Variants in ADPRM observed in about 807,000 individuals in gnomAD.
ADPRM encodes the protein ADP-ribose/CDP-alcohol diphosphatase, manganese dependent, also known as manganese-dependent ADP-ribose/CDP-alcohol diphosphatase.
In ADPRM, 17 loss-of-function variants were observed where a neutral mutation model predicts 27.2. That is an observed-to-expected ratio of 0.63 (90% CI 0.43 to 0.94). ADPRM has a LOEUF of 0.94. Among genes scored for constraint, ADPRM ranks in the 40% least tolerant of loss-of-function variants. The probability of loss-of-function intolerance (pLI) is 0.00; values close to 1 mark genes in which losing one functional copy is unlikely to be tolerated. For missense variants in ADPRM, 337 were observed against 412.8 expected, an observed-to-expected ratio of 0.82 and a Z score of 1.59; for synonymous variants, 135 against 145.3, an observed-to-expected ratio of 0.93 and a Z score of 0.51.
intron 1 of ADPRM, among the ~76,000 whole-genome samples, chr17:10,699,791 C>A: frequency 6.6e-6 from 1 of 152,124 alleles, no homozygotes. Context: ...CTCGGCCTCC[C>A]AAAGTGCTAG....
At chr17:10,703,592 G>A (rs568340588) in intron 1 of ADPRM, among the ~76,000 whole-genome samples, 1 of 152,154 alleles carries the variant, frequency 6.6e-6, no homozygotes, top group Non-Finnish European at 1.5e-5. Flanking sequence ...TCCAATTGTG[G>A]AGTTGTTCTT....
intron 3 of ADPRM, among the ~76,000 whole-genome samples, chr17:10,710,615 G>A (rs772070666): frequency 1.4e-4 from 22 of 152,138 alleles, no homozygotes; most frequent in Admixed American, 6.5e-4. Context: ...GCAGCCTGTC[G>A]CGCCTCATGT....
chr17:10,699,610 C>T (rs1302158947), intron 1 of ADPRM, among the ~76,000 whole-genome samples: 1 of 150,936 alleles, frequency 6.6e-6, no homozygotes, highest in Non-Finnish European at 1.5e-5. Context: ...CTGCAACCTC[C>T]GCCTCCTGGG....
rs142130192 is a variant in ADPRM, at chr17:10,711,102, T to C, written c.987T>C (p.Asp329=). The C allele has an allele frequency of 3.2e-4, 511 of 1,613,090 alleles. 2 individuals carry two copies. Among genetic ancestry groups the C allele is most frequent in the Admixed American group, 3.7e-4 (22 of 59,976 alleles). The change falls in exon 4 of 4, where the codon GAT becomes GAC. Residue 329 remains aspartate (D), a synonymous_variant. Coordinates refer to ENST00000379774, the MANE Select transcript of ADPRM (RefSeq NM_020233.5). ...TGAAAGGGAGAGGCAGAGTTCCAGA[T>C]AGAATTATGAATTACAAGAAAGAAA... ...MMLKGRGRVP[D]RIMNYKKERA... is the part of the protein sequence containing the mutation.
In ADPRM at chr17:10,705,504, A is replaced by G. The variant is rs2074807259; in HGVS notation, c.578A>G (p.Asn193Ser). The change falls in exon 2 of 4, where the codon AAT (asparagine) becomes AGT (serine). Residue 193 changes from asparagine (N) to serine (S), a missense_variant. Physicochemically the swap from Asn to Ser is conservative, Grantham distance 46. Transcript: ENST00000379774. This position sits in a 1 kb window ranked among gnomAD's most constrained non-coding sequence, Gnocchi z 5.4. ...CMKILREHNP[N>S]TELNSPQGLS... is the part of the protein sequence containing the mutation. ...AAGATATTGAGGGAGCACAATCCAAATACGGAACTGAATAGTCCTCAAGGT... is the reference window on the plus strand; with the variant it reads ...AAGATATTGAGGGAGCACAATCCAAGTACGGAACTGAATAGTCCTCAAGGT... The G allele has an allele frequency of 1.2e-6, 2 of 1,613,732 alleles. No homozygotes were observed. The highest frequency in any genetic ancestry group is 1.7e-6 in the Non-Finnish European group (2 of 1,179,920).
rs112720169 is a variant in ADPRM, at chr17:10,697,803, C to T, written c.-18+136C>T. On this transcript the variant is annotated intron_variant, in intron 1 of 3. Transcript: ENST00000379774. ...CGGCTGGGCCGAGGCAAGGCGGCCC[C>T]AAGCGCTGGGGGCCCCCGCTTTGGT... is the stretch of plus-strand genomic sequence containing the variant. 5.5e-3 allele frequency: 1,803 copies of T among 327,180 alleles called. 42 individuals carry two copies. The African/African-American group carries it at 0.099, about 18-fold the overall frequency. 20.3% of individuals were successfully genotyped at this position (327,180 alleles called of 1,614,324 possible).
chr17:10,697,691 GGC>G lies in ADPRM; in HGVS notation c.-18+26_-18+27del, dbSNP rs2074743136. 6 of 765,642 alleles carry G rather than the reference GGC, an allele frequency of 7.8e-6. No homozygotes were observed. The East Asian group carries it at 1.6e-4, about 21-fold the overall frequency. 47.4% of individuals were successfully genotyped at this position (765,642 alleles called of 1,614,324 possible). ...CGGTAGGTAGTTCCCTGCGGCTGGA[GGC>G]GGGTCTGGCGCGGGCTGGGCGGTGC... On this transcript the variant is annotated intron_variant, in intron 1 of 3. Transcript: ENST00000379774.
Position 10,710,940 on chromosome 17 carries a change from T to C in ADPRM, c.825T>C (p.Phe275=). The part of the protein sequence containing the change: ...IWSHECVVCF[F]AGHTHDGGYS... ...CTCATGAGTGTGTGGTGTGTTTCTT[T>C]GCTGGTCACACCCATGATGGTGGCT... Residue 275 remains phenylalanine, a synonymous_variant, in exon 4 of 4, where the codon TTT becomes TTC. Transcript: ENST00000379774. The C allele has an allele frequency of 3.1e-6, 5 of 1,614,182 alleles. No individual in the cohort carries two copies. The highest frequency in any genetic ancestry group is 4.2e-6 in the Non-Finnish European group (5 of 1,180,020).
Position 10,702,171 on chromosome 17 carries a change from G to C in ADPRM, c.-17-2739G>C, listed in dbSNP as rs573343039. On this transcript the variant is annotated intron_variant, in intron 1 of 3. Transcript: ENST00000379774. This position sits in a 1 kb window ranked among gnomAD's most constrained non-coding sequence, Gnocchi z 4.2. ...AACACTTCTGGTCCCAAGCATTTTG[G>C]ATAAGGAGATACTAACCTTATTTTT... 6.6e-6 allele frequency among the ~76,000 whole-genome samples: 1 copy of C among 152,302 alleles called. No homozygotes were observed. Among genetic ancestry groups the C allele is most frequent in the South Asian group, 2.1e-4 (1 of 4,830 alleles).
chr17:10,701,497 A>AT (rs2074778162), intron 1 of ADPRM, among the ~76,000 whole-genome samples: 3 of 152,006 alleles, frequency 2.0e-5, no homozygotes, highest in Admixed American at 1.3e-4. Flanking sequence ...CACCCGGCTA[A>AT]TTTTTGTATT....
intron 3 of ADPRM, among the ~76,000 whole-genome samples, chr17:10,709,724 T>TA (rs10690433): frequency 0.015 from 2,246 of 149,532 alleles, 89 homozygotes; most frequent in East Asian, 0.15. Context: ...GTATGCACTT[T>TA]AAAAAAAAAA....
At chr17:10,699,899 A>G (rs1247821961) in intron 1 of ADPRM, among the ~76,000 whole-genome samples, 3 of 152,182 alleles carry the variant, frequency 2.0e-5, no homozygotes, top group Non-Finnish European at 4.4e-5. Flanking sequence ...GGTTCTATCA[A>G]TAGTGATCAG....
chr17:10,711,110 T>G lies in ADPRM; in HGVS notation c.995T>G (p.Met332Arg). ...AGAGGCAGAGTTCCAGATAGAATTA[T>G]GAATTACAAGAAAGAAAGAGCCTTC... ...KGRGRVPDRI[M>R]NYKKERAFHC The change falls in exon 4 of 4, where the codon ATG (methionine) becomes AGG (arginine). Residue 332 changes from methionine (M) to arginine (R), a missense_variant. Transcript: ENST00000379774. 1 of 1,611,374 alleles carries G rather than the reference T, an allele frequency of 6.2e-7. No individual in the cohort carries two copies. The highest frequency in any genetic ancestry group is 8.5e-7 in the Non-Finnish European group (1 of 1,177,776).
Position 10,705,383 on chromosome 17 carries a change from G to T in ADPRM, c.457G>T (p.Val153Leu). 6.2e-7 allele frequency: 1 copy of T among 1,613,962 alleles called. No individual in the cohort carries two copies. The highest frequency in any genetic ancestry group is 8.5e-7 in the Non-Finnish European group (1 of 1,179,998). The part of the protein sequence containing the change: ...PSEDYYAYHF[V>L]PFPKFRFILL... ...AGAAGATTATTATGCTTATCATTTTGTACCATTCCCTAAATTCCGGTTCAT... is the reference window on the plus strand; with the variant it reads ...AGAAGATTATTATGCTTATCATTTTTTACCATTCCCTAAATTCCGGTTCAT... Residue 153 changes from valine to leucine, a missense_variant, in exon 2 of 4, where the codon GTA becomes TTA. By Grantham distance (32) the Val-to-Leu change is conservative. Coordinates refer to ENST00000379774, the MANE Select transcript of ADPRM (RefSeq NM_020233.5). The surrounding 1 kb of genome is among the most constrained non-coding windows in gnomAD (Gnocchi z 5.4).
intron 1 of ADPRM, among the ~76,000 whole-genome samples, chr17:10,701,904 A>G (rs750727301): frequency 2.6e-5 from 4 of 152,168 alleles, no homozygotes; most frequent in Non-Finnish European, 4.4e-5. Flanking sequence ...AGGAAAGGCT[A>G]AACTCGCCAG....
At chr17:10,708,302 G>A (rs544726878) in intron 3 of ADPRM, among the ~76,000 whole-genome samples, 11 of 151,464 alleles carry the variant, frequency 7.3e-5, no homozygotes, top group Non-Finnish European at 1.3e-4. Context: ...GGTGGCAGGC[G>A]CCTGTAATCC....
chr17:10,701,158 C>T lies in ADPRM; in HGVS notation c.-18+3491C>T, dbSNP rs931181255. On this transcript the variant is annotated intron_variant, in intron 1 of 3. Coordinates refer to ENST00000379774, the MANE Select transcript of ADPRM (RefSeq NM_020233.5). ...AGCACTTCATAATACCTCTTTAAAA[C>T]TTAGACAGCGTAGCATGTAATAAAT... Among the ~76,000 whole-genome samples the T allele has an allele frequency of 5.3e-5, 8 of 152,234 alleles. 1 individual carries two copies. Among genetic ancestry groups the T allele is most frequent in the Admixed American group, 2.0e-4 (3 of 15,296 alleles).
intron 1 of ADPRM, among the ~76,000 whole-genome samples, chr17:10,698,716 G>T (rs1051264041): frequency 5.9e-5 from 9 of 152,150 alleles, no homozygotes; most frequent in Non-Finnish European, 1.2e-4. Flanking sequence ...TTCTTGATTC[G>T]CGGTTGGACT....
At position 10,697,613 on chromosome 17, in the gene ADPRM, G is replaced by A; in HGVS notation, c.-72G>A. The stretch of plus-strand genomic sequence containing the variant: ...CGCTCTGTCCGTCCCGCTCGTTGGT[G>A]GCGCTGTTACATAGCCCGTAGTCAG... On this transcript the variant is annotated 5_prime_UTR_variant, in exon 1 of 4. Coordinates refer to ENST00000379774, the MANE Select transcript of ADPRM (RefSeq NM_020233.5). 7.1e-7 allele frequency: 1 copy of A among 1,412,346 alleles called. No homozygotes were observed. Among genetic ancestry groups the A allele is most frequent in the African/African-American group, 1.4e-5 (1 of 70,976 alleles). 87.5% of individuals were successfully genotyped at this position (1,412,346 alleles called of 1,614,324 possible). A position where few individuals can be genotyped will look rare whatever the true frequency, so the allele number is the denominator to read the frequency against.
Sources: gnomAD v4.1 joint callset for allele counts (sites outside exome capture counted in the v4.1 genomes callset) on GRCh38, gnomAD v4.1.1 for gene constraint, Gnocchi (gnomAD v3.1) non-coding constraint, MANE v1.5 for transcripts, NCBI Gene and HGNC (gene_info 2026-07-23, HGNC 2026-07-21) for gene names.